CCDC32: variants seen among roughly 807,000 people sequenced by gnomAD.
The protein encoded by CCDC32 is coiled-coil domain containing 32.
A neutral mutation model predicts 20.1 loss-of-function variants in CCDC32; 9 were observed. The observed-to-expected ratio is 0.45, with a 90% CI of 0.27 to 0.78. CCDC32 has a LOEUF of 0.78. CCDC32 is among the 30% of genes least tolerant of loss of function. The pLI is 0.16. For synonymous variants in CCDC32, 63 were observed against 79.0 expected (o/e 0.80, Z 1.07); for missense variants, 204 against 215.5 (o/e 0.95, Z 0.33).
intron 3 of CCDC32, among the ~76,000 whole-genome samples, chr15:40,547,775 C>T (rs191226187): frequency 1.3e-5 from 2 of 152,276 alleles, no homozygotes; most frequent in East Asian, 3.9e-4. Context: ...TGCCTTCCAC[C>T]AGCAGCCGCC....
chr15:40,553,308 C>T lies in CCDC32; in HGVS notation c.*663G>A, dbSNP rs1381089930. The stretch of plus-strand genomic sequence containing the variant: ...GGAGGAAGTTGGAGGAGAAGCCATG[C>T]ATGAAGTAAAAAATACATATACACA... On this transcript the variant is annotated 3_prime_UTR_variant, in exon 4 of 4. Coordinates refer to ENST00000416810, the MANE Select transcript of CCDC32 (RefSeq NM_001080792.4). 13 of 985,302 alleles carry T rather than the reference C, an allele frequency of 1.3e-5. No homozygotes were observed. Among genetic ancestry groups the T allele is most frequent in the Non-Finnish European group, 1.4e-5 (12 of 829,952 alleles). The allele number at this position is 985,302 out of a possible 1,614,324, so 61.0% of individuals were successfully genotyped here.
In CCDC32 at chr15:40,554,102, G is replaced by A. The variant is rs1272635455; in HGVS notation, c.427C>T (p.Leu143Phe). ...ESTLEHFKRW[L>F]QPDKVAVSTE... is the part of the protein sequence containing the mutation. ...CTGACGGCTACTTTATCTGGCTGGA[G>A]CCACCTCTTGAAATGTTCCAAGGTG... The change falls in exon 4 of 4, where the codon CTC becomes TTC. Residue 143 changes from leucine to phenylalanine, a missense_variant. By Grantham distance (22) the Leu-to-Phe change is conservative. Transcript: ENST00000416810. 4 of 1,613,982 alleles carry A rather than the reference G, an allele frequency of 2.5e-6. No homozygotes were observed. Among genetic ancestry groups the A allele is most frequent in the South Asian group, 1.1e-5 (1 of 91,064 alleles).
chr15:40,554,863 C>T (rs982464575), intron 3 of CCDC32, among the ~76,000 whole-genome samples: 1 of 152,126 alleles, frequency 6.6e-6, no homozygotes, highest in South Asian at 2.1e-4. Flanking sequence ...TAATGTAAAC[C>T]TTATTCTATG....
chr15:40,523,322 T>A, the CCDC32 span, among the ~76,000 whole-genome samples: 1 of 151,668 alleles, frequency 6.6e-6, no homozygotes, highest in Non-Finnish European at 1.5e-5. Flanking sequence ...CTGACCAACA[T>A]GGAGAAACCC....
downstream of CCDC32, chr15:40,535,310 C>A (rs1889064615): frequency 5.6e-6 from 7 of 1,255,908 alleles, no homozygotes; most frequent in Non-Finnish European, 6.0e-6. Context: ...AGGTGATGAG[C>A]CATTATCATA....
chr15:40,527,725 G>A (rs1000087107), downstream of CCDC32, among the ~76,000 whole-genome samples: 2 of 152,178 alleles, frequency 1.3e-5, no homozygotes, highest in Admixed American at 6.5e-5. Flanking sequence ...ACATTAGCAC[G>A]TTCAGCCCCC....
chr15:40,523,099 T>C, the CCDC32 span, among the ~76,000 whole-genome samples: 1 of 151,684 alleles, frequency 6.6e-6, no homozygotes, highest in Non-Finnish European at 1.5e-5. Context: ...CTGGCCAACA[T>C]AGTGAAACCT....
chr15:40,534,840 T>G, downstream of CCDC32: 1 of 700,574 alleles, frequency 1.4e-6, no homozygotes, highest in Non-Finnish European at 2.6e-6. Context: ...TCAACATGTA[T>G]ATTTTAGAGG....
At chr15:40,529,730 C>G (rs1888819916) in intron 3 of CCDC32, 1 of 148,020 alleles carries the variant, frequency 6.8e-6, no homozygotes, top group Non-Finnish European at 1.5e-5. Context: ...GGCGCGATCT[C>G]GGCTCACTGC....
intron 1 of CCDC32, among the ~76,000 whole-genome samples, chr15:40,564,611 G>A (rs118134128): frequency 2.0e-5 from 3 of 152,262 alleles, no homozygotes; most frequent in Non-Finnish European, 4.4e-5. Flanking sequence ...GGCAAGGTCT[G>A]AATAATGCCA....
downstream of CCDC32, chr15:40,535,771 G>A (rs1001726616): frequency 4.7e-5 from 23 of 489,936 alleles, no homozygotes; most frequent in Non-Finnish European, 6.1e-5. Context: ...AGTTTCACAC[G>A]TTCCACCATA....
Position 40,553,110 on chromosome 15 carries a change from A to C in CCDC32, c.*861T>G. ...CACAGACACTGCTATTCCGTTGAGA[A>C]AAGTTTTATATGGAAACACATACTG... On this transcript the variant is annotated 3_prime_UTR_variant, in exon 4 of 4. Transcript: ENST00000416810. The C allele has an allele frequency of 3.0e-6, 3 of 985,422 alleles. No individual in the cohort carries two copies. Among genetic ancestry groups the C allele is most frequent in the Non-Finnish European group, 3.6e-6 (3 of 829,898 alleles). 61.0% of individuals were successfully genotyped at this position (985,422 alleles called of 1,614,324 possible).
At chr15:40,551,182 A>T (rs1889841382), downstream of CCDC32, among the ~76,000 whole-genome samples, 1 of 152,118 alleles carries the variant, frequency 6.6e-6, no homozygotes, top group Admixed American at 6.5e-5. Context: ...GGAGATCCAG[A>T]CCATCCTGGC....
At chr15:40,541,292 G>A (rs8028910) in intron 3 of CCDC32, among the ~76,000 whole-genome samples, 40,424 of 151,906 alleles carry the variant, frequency 0.27, 6,649 homozygotes, top group Middle Eastern at 0.37. Flanking sequence ...CTGCAGCCCA[G>A]ATGTGCCCCG....
At chr15:40,534,945 G>A (rs776390128), downstream of CCDC32, 9 of 702,432 alleles carry the variant, frequency 1.3e-5, no homozygotes, top group African/African-American at 1.0e-4. Flanking sequence ...AGGCTTGGCT[G>A]TATGATCTGC....
downstream of CCDC32, among the ~76,000 whole-genome samples, chr15:40,525,039 T>C (rs1233564604): frequency 6.6e-6 from 1 of 151,044 alleles, no homozygotes; most frequent in Non-Finnish European, 1.5e-5. Flanking sequence ...AGCTGTTCTT[T>C]TTTTTTTTTG....
downstream of CCDC32, among the ~76,000 whole-genome samples, chr15:40,532,868 A>AT (rs989326105): frequency 4.7e-5 from 7 of 150,470 alleles, no homozygotes; most frequent in Non-Finnish European, 7.4e-5. Context: ...GACCTGGCTA[A>AT]TTTTTTTTAT....
At chr15:40,564,830 C>T in intron 1 of CCDC32, 146 bp downstream of exon 1, 1 of 1,613,380 alleles carries the variant, frequency 6.2e-7, no homozygotes, top group South Asian at 1.1e-5. Context: ...GAAATTCCGG[C>T]GTCCAGATCC....
chr15:40,541,103 C>G (rs1436902469), intron 3 of CCDC32, among the ~76,000 whole-genome samples: 2 of 152,206 alleles, frequency 1.3e-5, no homozygotes, highest in Non-Finnish European at 2.9e-5. Context: ...TCACATCCCT[C>G]CAGCCCATTT....
Sources: allele counts gnomAD v4.1 joint callset (sites outside exome capture counted in the v4.1 genomes callset), GRCh38; gene constraint gnomAD v4.1.1; transcripts MANE v1.5; gene names NCBI Gene and HGNC (gene_info 2026-07-23, HGNC 2026-07-21).